Variants in SLC35F1 observed in about 807,000 individuals in gnomAD.
SLC35F1 encodes chromosome 6 open reading frame 169.
In SLC35F1, 14 loss-of-function variants were observed where a neutral mutation model predicts 48.7. The observed-to-expected ratio is 0.29, with a 90% CI of 0.19 to 0.45. SLC35F1 has a LOEUF of 0.45. Ranked by LOEUF, SLC35F1 falls within the 20% of genes least tolerant of loss-of-function variation. SLC35F1 has a pLI of 1.00. For missense variants in SLC35F1, 404 were observed against 500.0 expected, an observed-to-expected ratio of 0.81 and a Z score of 1.83; for synonymous variants, 190 against 202.2, an observed-to-expected ratio of 0.94 and a Z score of 0.51.
intron 3 of SLC35F1, among the ~76,000 whole-genome samples, chr6:118,253,570 C>T (rs1775602919): frequency 6.6e-6 from 1 of 151,838 alleles, no homozygotes; most frequent in South Asian, 2.1e-4. Flanking sequence ...ATAAGACAGC[C>T]AAGGATAGGT....
At chr6:117,999,204 A>G in intron 1 of SLC35F1, 1 of 1,595,668 alleles carries the variant, frequency 6.3e-7, no homozygotes. Flanking sequence ...GCCCTCGTAA[A>G]GCCCAAGGAG....
rs79685479 is a variant in SLC35F1, at chr6:117,942,231, C to T, written c.173+34332C>T. On this transcript the variant is annotated intron_variant, in intron 1 of 7. Transcript: ENST00000360388. The stretch of plus-strand genomic sequence containing the variant: ...TCTCACTGACACCAAGGCCCATGCT[C>T]TTGTTCTGGGATTCTGACCTAATTC... Among the ~76,000 whole-genome samples the T allele has an allele frequency of 6.9e-3, 1,052 of 152,206 alleles. 9 individuals are homozygous for T. Among genetic ancestry groups the T allele is most frequent in the African/African-American group, 0.024 (1,007 of 41,520 alleles).
chr6:118,028,862 C>A (rs1406931934), intron 1 of SLC35F1, among the ~76,000 whole-genome samples: 1 of 151,976 alleles, frequency 6.6e-6, no homozygotes, highest in East Asian at 1.9e-4. Flanking sequence ...TTGACCCTAT[C>A]CAAGTTGCTC....
chr6:118,148,756 G>T (rs559766605), intron 1 of SLC35F1, among the ~76,000 whole-genome samples: 2 of 152,118 alleles, frequency 1.3e-5, no homozygotes, highest in Non-Finnish European at 2.9e-5. Context: ...CCTACAGCTC[G>T]CTGTACAAAA....
At chr6:118,233,837 A>T (rs1775328228) in intron 2 of SLC35F1, among the ~76,000 whole-genome samples, 1 of 152,188 alleles carries the variant, frequency 6.6e-6, no homozygotes, top group African/African-American at 2.4e-5. Flanking sequence ...ATACAGAAAG[A>T]CTTTGTGCAT....
At chr6:118,089,103 T>C (rs4946322) in intron 1 of SLC35F1, among the ~76,000 whole-genome samples, 84,827 of 151,926 alleles carry the variant, frequency 0.56, 24,715 homozygotes, top group East Asian at 0.86. Flanking sequence ...GGAGATAGAA[T>C]TGATGGATCT....
At chr6:118,164,461 TC>T (rs2114485467) in intron 2 of SLC35F1, among the ~76,000 whole-genome samples, 1 of 152,312 alleles carries the variant, frequency 6.6e-6, no homozygotes, top group South Asian at 2.1e-4. Context: ...ATTTCTCAAT[TC>T]AGTCAAAATT....
At chr6:118,139,051 T>C (rs2114438095) in intron 1 of SLC35F1, among the ~76,000 whole-genome samples, 1 of 152,240 alleles carries the variant, frequency 6.6e-6, no homozygotes, top group Admixed American at 6.5e-5. Context: ...CAAATCACTT[T>C]CACAGTCATG....
At chr6:118,078,393 C>A (rs546272643) in intron 1 of SLC35F1, among the ~76,000 whole-genome samples, 10 of 152,112 alleles carry the variant, frequency 6.6e-5, no homozygotes, top group African/African-American at 1.7e-4. Flanking sequence ...TGTAAAAAAT[C>A]TTTAAAGGAA....
At chr6:117,981,944 G>A (rs1470519844) in intron 1 of SLC35F1, among the ~76,000 whole-genome samples, 2 of 151,922 alleles carry the variant, frequency 1.3e-5, no homozygotes, top group Non-Finnish European at 2.9e-5. Context: ...TGCCTCTGCT[G>A]CCTGATGGAT....
chr6:118,185,390 G>T (rs1275280802), intron 2 of SLC35F1, among the ~76,000 whole-genome samples: 1 of 152,128 alleles, frequency 6.6e-6, no homozygotes, highest in African/African-American at 2.4e-5. Flanking sequence ...CATTTCCCCT[G>T]AGGCAACATA....
chr6:118,313,968 A>AT, intron 7 of SLC35F1, 60 bp from the exon 8 acceptor site: 1 of 1,504,824 alleles, frequency 6.6e-7, no homozygotes, highest in Non-Finnish European at 9.2e-7. Context: ...TGTGTGCCTC[A>AT]TTAATGTGTC....
intron 1 of SLC35F1, among the ~76,000 whole-genome samples, chr6:118,040,238 A>G (rs890995348): frequency 6.6e-6 from 1 of 152,112 alleles, no homozygotes; most frequent in Non-Finnish European, 1.5e-5. Context: ...TTAGCTACCT[A>G]CACTGTAAGG....
At position 117,913,266 on chromosome 6, in the gene SLC35F1, G is replaced by C. The variant is rs540590670; in HGVS notation, c.173+5367G>C. On this transcript the variant is annotated intron_variant, in intron 1 of 7. Coordinates refer to ENST00000360388, the MANE Select transcript of SLC35F1 (RefSeq NM_001029858.4). ...TGTATGGAAAAAACCTATGAATTTT[G>C]GGCATGTTTCTTAATGGTAACATGA... 1.6e-3 allele frequency among the ~76,000 whole-genome samples: 238 copies of C among 152,190 alleles called. 1 individual carries two copies. Among genetic ancestry groups the C allele is most frequent in the African/African-American group, 5.4e-3 (223 of 41,542 alleles).
intron 1 of SLC35F1, among the ~76,000 whole-genome samples, chr6:118,134,806 C>T (rs1773769713): frequency 1.3e-5 from 2 of 152,204 alleles, no homozygotes; most frequent in Non-Finnish European, 2.9e-5. Flanking sequence ...TTTTAGAGAT[C>T]TGCAGTCACT....
chr6:118,175,325 T>C (rs1278669944), intron 2 of SLC35F1, among the ~76,000 whole-genome samples: 4 of 152,090 alleles, frequency 2.6e-5, no homozygotes, highest in Non-Finnish European at 5.9e-5. Flanking sequence ...AAAGTCGTGG[T>C]GAGAATACTT....
intron 7 of SLC35F1, among the ~76,000 whole-genome samples, chr6:118,289,027 C>T (rs1422049641): frequency 6.6e-6 from 1 of 152,170 alleles, no homozygotes; most frequent in Admixed American, 6.5e-5. Context: ...CCCAGCTCCT[C>T]AAAATCACTA....
chr6:117,958,285 A>G (rs988439953), intron 1 of SLC35F1, among the ~76,000 whole-genome samples: 1 of 152,216 alleles, frequency 6.6e-6, no homozygotes, highest in African/African-American at 2.4e-5. Context: ...TAAAAAAATT[A>G]AAAGTAAAAA....
At chr6:117,999,802 CAG>C in intron 1 of SLC35F1, among the ~76,000 whole-genome samples, 1 of 151,860 alleles carries the variant, frequency 6.6e-6, no homozygotes, top group African/African-American at 2.4e-5. Flanking sequence ...AAACTACCAT[CAG>C]AGAATACTAC....
Sources: allele counts gnomAD v4.1 joint callset (sites outside exome capture counted in the v4.1 genomes callset), GRCh38; gene constraint gnomAD v4.1.1; transcripts MANE v1.5; gene names NCBI Gene and HGNC (gene_info 2026-07-23, HGNC 2026-07-21).